Variants in TTLL5 observed in about 807,000 individuals in gnomAD.
The protein encoded by TTLL5 is tubulin tyrosine ligase like 5.
Under a neutral mutation model 168.4 loss-of-function variants are expected in TTLL5, and 132 were observed. The ratio of observed to expected loss-of-function variants is 0.78; its 90% CI spans 0.68 to 0.91. The LOEUF (loss-of-function observed/expected upper bound fraction) is 0.91. Ranked by LOEUF, TTLL5 falls within the 40% of genes least tolerant of loss-of-function variation. The pLI is 0.00. For missense variants in TTLL5, 1,545 were observed against 1,581.5 expected (o/e 0.98, Z 0.39); for synonymous variants, 546 against 558.6 (o/e 0.98, Z 0.32).
intron 6 of TTLL5, among the ~76,000 whole-genome samples, chr14:75,690,860 T>G (rs1212853260): frequency 2.0e-5 from 3 of 152,130 alleles, no homozygotes; most frequent in African/African-American, 7.2e-5. Context: ...GCTCAAAGGA[T>G]CCTCCACTCT....
intron 30 of TTLL5, among the ~76,000 whole-genome samples, chr14:75,898,256 G>A (rs1292298723): frequency 4.6e-5 from 7 of 152,164 alleles, no homozygotes; most frequent in African/African-American, 1.7e-4. Context: ...GATAAGATGG[G>A]AGAAATATCA....
intron 28 of TTLL5, among the ~76,000 whole-genome samples, chr14:75,826,604 T>G (rs953737990): frequency 1.3e-5 from 2 of 152,162 alleles, no homozygotes; most frequent in African/African-American, 4.8e-5. Flanking sequence ...TTATTTTGGT[T>G]TTAAGAGGCC....
At chr14:75,776,584 TA>T in intron 22 of TTLL5, 162 bp from the exon 23 acceptor site, 1 of 479,788 alleles carries the variant, frequency 2.1e-6, no homozygotes, top group African/African-American at 2.0e-5. Flanking sequence ...TGGCCAAAAG[TA>T]ATATGTCAAA....
chr14:75,683,683 T>C, intron 5 of TTLL5, 27 bp downstream of exon 5: 1 of 1,572,822 alleles, frequency 6.4e-7, no homozygotes, highest in Non-Finnish European at 8.8e-7. Context: ...CTGCTTTGCT[T>C]CATTTAAAGG....
chr14:75,733,842 C>A, intron 13 of TTLL5, 147 bp from the exon 14 acceptor site: 1 of 679,724 alleles, frequency 1.5e-6, no homozygotes, highest in Admixed American at 2.9e-5. Flanking sequence ...AGGATTTTTC[C>A]CCCACCGCCC....
intron 31 of TTLL5, among the ~76,000 whole-genome samples, chr14:75,928,222 C>T (rs2034141734): frequency 6.6e-6 from 1 of 151,676 alleles, no homozygotes; most frequent in Non-Finnish European, 1.5e-5. Flanking sequence ...CATTTCATTG[C>T]TTAGCAAAGA....
intron 30 of TTLL5, among the ~76,000 whole-genome samples, chr14:75,899,690 A>G (rs1187331614): frequency 6.6e-6 from 1 of 152,114 alleles, no homozygotes; most frequent in Non-Finnish European, 1.5e-5. Context: ...AAGAGGATGG[A>G]AGAGTGAGTG....
intron 12 of TTLL5, among the ~76,000 whole-genome samples, chr14:75,722,208 T>C (rs148325433): frequency 6.6e-6 from 1 of 152,256 alleles, no homozygotes; most frequent in African/African-American, 2.4e-5. Context: ...TCCCATTTCT[T>C]TTCTAAGATT....
chr14:75,811,181 G>GTGTGTGTGTGTGTGTA (rs778265688), intron 27 of TTLL5, among the ~76,000 whole-genome samples: 10 of 121,182 alleles, frequency 8.3e-5, no homozygotes, highest in South Asian at 4.9e-4. Context: ...GTGTGTGTGT[G>GTGTGTGTGTGTGTGTA]TGTGTGTATG....
chr14:75,701,285 ATTTTATTGGGATTGTC>A (rs1486822384), intron 7 of TTLL5, among the ~76,000 whole-genome samples: 1 of 152,022 alleles, frequency 6.6e-6, no homozygotes, highest in Non-Finnish European at 1.5e-5. Context: ...CTGTCCTTTA[ATTTTATTGGGATTGTC>A]TTTTCCCCTG....
intron 31 of TTLL5, among the ~76,000 whole-genome samples, chr14:75,919,695 A>T (rs1161904721): frequency 6.6e-6 from 1 of 152,238 alleles, no homozygotes; most frequent in Non-Finnish European, 1.5e-5. Flanking sequence ...CATAGGAATA[A>T]ATCTTCATGT....
intron 6 of TTLL5, among the ~76,000 whole-genome samples, chr14:75,698,082 G>A (rs534795150): frequency 1.3e-5 from 2 of 152,226 alleles, no homozygotes; most frequent in African/African-American, 4.8e-5. Flanking sequence ...GCCACCTGAC[G>A]TATTTCATCA....
chr14:75,737,105 C>T (rs920913649), intron 15 of TTLL5, among the ~76,000 whole-genome samples: 1 of 152,184 alleles, frequency 6.6e-6, no homozygotes, highest in African/African-American at 2.4e-5. Flanking sequence ...TGAATTGGTC[C>T]CTTTTCTTAG....
rs771122308 is a variant in TTLL5, at chr14:75,954,463, G to T, written c.*17G>T. 1.2e-6 allele frequency: 2 copies of T among 1,613,444 alleles called. No homozygotes were observed. Among genetic ancestry groups the T allele is most frequent in the Non-Finnish European group, 1.7e-6 (2 of 1,179,714 alleles). ...AAAATATGAACCACAAACACACAGAGAAACAACCTGTTCACCACTCCTGGG... is the reference window on the plus strand; with the variant it reads ...AAAATATGAACCACAAACACACAGATAAACAACCTGTTCACCACTCCTGGG... On this transcript the variant is annotated 3_prime_UTR_variant, in exon 32 of 32. Coordinates refer to ENST00000298832, the MANE Select transcript of TTLL5 (RefSeq NM_015072.5).
rs182724594 is a variant in TTLL5 at position 75,751,493 on chromosome 14, G to A, written c.1488-1400G>A. On this transcript the variant is annotated intron_variant, in intron 17 of 31. Transcript: ENST00000298832. ...CCTGGAGTGTCTACAGTGCAGAGAC[G>A]CTGGACAAAGGGATGATCCACATTC... 2.9e-3 allele frequency among the ~76,000 whole-genome samples: 439 copies of A among 152,252 alleles called. 7 individuals are homozygous for A. Among genetic ancestry groups the A allele is most frequent in the Non-Finnish European group, 8.1e-4 (55 of 68,020 alleles).
rs531668133 is a variant in TTLL5, at chr14:75,952,211, TAAATC to T, written c.3824-2209_3824-2205del. Among the ~76,000 whole-genome samples the T allele has an allele frequency of 1.0e-3, 157 of 151,876 alleles. 1 individual carries two copies. The highest frequency in any genetic ancestry group is 3.7e-3 in the African/African-American group (152 of 41,402). On this transcript the variant is annotated intron_variant, in intron 31 of 31. Transcript: ENST00000298832. The stretch of plus-strand genomic sequence containing the variant: ...TCAATATCATTAGCCACTGGGGAAA[TAAATC>T]AAAACCACAGTGGTCAGCAGCCACC...
chr14:75,698,959 G>C (rs1378988093), intron 6 of TTLL5, among the ~76,000 whole-genome samples: 1 of 151,782 alleles, frequency 6.6e-6, no homozygotes, highest in Non-Finnish European at 1.5e-5. Context: ...AATTACTATG[G>C]GAGTGATTTT....
At chr14:75,748,627 G>A (rs944363308) in intron 17 of TTLL5, among the ~76,000 whole-genome samples, 6 of 152,206 alleles carry the variant, frequency 3.9e-5, no homozygotes, top group Non-Finnish European at 8.8e-5. Flanking sequence ...TAGGCTCAGT[G>A]CCTTAAGACA....
chr14:75,738,015 T>G (rs2140244288), intron 15 of TTLL5, among the ~76,000 whole-genome samples: 1 of 152,322 alleles, frequency 6.6e-6, no homozygotes, highest in East Asian at 1.9e-4. Flanking sequence ...GTTTTCACAT[T>G]GGGTGTAGGG....
Sources: allele counts gnomAD v4.1 joint callset (sites outside exome capture counted in the v4.1 genomes callset), GRCh38; gene constraint gnomAD v4.1.1; transcripts MANE v1.5; gene names NCBI Gene and HGNC (gene_info 2026-07-23, HGNC 2026-07-21).